NAV2: variants seen among roughly 807,000 people sequenced by gnomAD.
NAV2 encodes neuron navigator 2, also known as helicase, APC down-regulated 1.
A neutral mutation model predicts 223.2 loss-of-function variants in NAV2; 54 were observed. That is an observed-to-expected ratio of 0.24 (90% CI 0.19 to 0.30). The LOEUF is 0.30. Ranked by LOEUF, NAV2 falls within the 10% of genes least tolerant of loss-of-function variation. The probability of loss-of-function intolerance (pLI) is 1.00; values close to 1 mark genes in which losing one functional copy is unlikely to be tolerated. For missense variants in NAV2, 2,806 were observed against 3,147.5 expected (o/e 0.89, Z 2.60); for synonymous variants, 1,279 against 1,239.3 (o/e 1.03, Z -0.67).
chr11:19,638,761 G>A (rs2047574035), intron 1 of NAV2, among the ~76,000 whole-genome samples: 1 of 152,194 alleles, frequency 6.6e-6, no homozygotes, highest in African/African-American at 2.4e-5. Flanking sequence ...TTGGGAGCCT[G>A]AGGCAGGCAG....
chr11:19,549,575 G>T (rs887974859), intron 1 of NAV2, among the ~76,000 whole-genome samples: 1 of 152,210 alleles, frequency 6.6e-6, no homozygotes, highest in Non-Finnish European at 1.5e-5. Flanking sequence ...CCTACCAATC[G>T]TATGGCAAAT....
At chr11:19,943,841 T>C (rs557501073) in intron 8 of NAV2, among the ~76,000 whole-genome samples, 2 of 152,310 alleles carry the variant, frequency 1.3e-5, no homozygotes, top group Admixed American at 6.5e-5. Flanking sequence ...GGAGAAAATA[T>C]ATAATTCTAT....
Position 19,699,675 on chromosome 11 carries a change from G to A in NAV2, c.76-132809G>A, listed in dbSNP as rs575110385. The stretch of plus-strand genomic sequence containing the variant: ...GAGTAGTGCAGCACCTTGAATAGAC[G>A]ACTTTGAGATAACAGACATTCATAG... On this transcript the variant is annotated intron_variant, in intron 1 of 37. Transcript: ENST00000360655. 9.2e-5 allele frequency among the ~76,000 whole-genome samples: 14 copies of A among 152,250 alleles called. No homozygotes were observed. In the East Asian group the frequency reaches 2.3e-3, roughly 25 times the overall value.
At chr11:19,774,511 C>T (rs2055980258) in intron 1 of NAV2, among the ~76,000 whole-genome samples, 1 of 152,188 alleles carries the variant, frequency 6.6e-6, no homozygotes, top group Non-Finnish European at 1.5e-5. Flanking sequence ...GTACACTATA[C>T]AGGCCTCTTT....
At chr11:19,404,452 G>C (rs750532475) in intron 1 of NAV2, among the ~76,000 whole-genome samples, 1 of 152,206 alleles carries the variant, frequency 6.6e-6, no homozygotes, top group Non-Finnish European at 1.5e-5. Context: ...CCTGAATTGA[G>C]TTGTGGGTGG....
intron 1 of NAV2, among the ~76,000 whole-genome samples, chr11:19,643,486 A>T (rs1283230834): frequency 1.3e-5 from 2 of 152,066 alleles, no homozygotes; most frequent in South Asian, 2.1e-4. Flanking sequence ...CCCACAAAGG[A>T]CATGAACTCA....
chr11:19,948,939 G>T lies in NAV2; in HGVS notation c.2504G>T (p.Gly835Val). The change falls in exon 10 of 38, where the codon GGC (glycine) becomes GTC (valine). Residue 835 changes from glycine to valine, a missense_variant. Transcript: ENST00000349880. ...APLRRQLASR[G>V]SSVCHVDVSD... ...CTGAGAAGGCAGCTGGCCTCCCGGG[G>T]CAGTAGTGTCTGCCATGTGGACGTC... 6.2e-7 allele frequency: 1 copy of T among 1,614,018 alleles called. No individual in the cohort carries two copies. Among genetic ancestry groups the T allele is most frequent in the South Asian group, 1.1e-5 (1 of 91,074 alleles).
At chr11:19,353,410 C>T (rs1024333931) in intron 1 of NAV2, among the ~76,000 whole-genome samples, 1 of 152,096 alleles carries the variant, frequency 6.6e-6, no homozygotes, top group South Asian at 2.1e-4. Context: ...TTTGTGGGTA[C>T]GTGCATATAC....
intron 1 of NAV2, among the ~76,000 whole-genome samples, chr11:19,703,135 A>AT (rs989636088): frequency 1.4e-5 from 2 of 141,002 alleles, no homozygotes; most frequent in Admixed American, 7.3e-5. Context: ...AGAAAATAAT[A>AT]TTTTTTTAAA....
chr11:20,080,273 A>G (rs1324146537), intron 25 of NAV2, 64 bp downstream of exon 25: 13 of 1,479,686 alleles, frequency 8.8e-6, no homozygotes, highest in Admixed American at 1.8e-5. Flanking sequence ...TGGCTGCTGC[A>G]TCTCCCCAGA....
At chr11:20,077,868 T>G in intron 23 of NAV2, 125 bp from the exon 24 acceptor site, 1 of 772,658 alleles carries the variant, frequency 1.3e-6, no homozygotes, top group Non-Finnish European at 2.2e-6. Context: ...TGCCTGTTGA[T>G]CCATCTGAAA....
At chr11:19,950,363 C>A (rs183017477) in intron 10 of NAV2, among the ~76,000 whole-genome samples, 186 of 152,288 alleles carry the variant, frequency 1.2e-3, no homozygotes, top group African/African-American at 4.1e-3. Context: ...TAGATGATAT[C>A]ATAGTCCCCA....
At chr11:19,616,914 T>C (rs1590690140) in intron 1 of NAV2, among the ~76,000 whole-genome samples, 1 of 152,162 alleles carries the variant, frequency 6.6e-6, no homozygotes, top group Admixed American at 6.5e-5. Context: ...GCCTTTGCCA[T>C]GTACTCATCA....
intron 1 of NAV2, among the ~76,000 whole-genome samples, chr11:19,584,022 T>G (rs1164128265): frequency 2.6e-5 from 4 of 152,320 alleles, no homozygotes. Context: ...TTTTTTTTGG[T>G]TGGTAAGCTA....
At chr11:19,850,735 G>T (rs1158528736) in intron 3 of NAV2, among the ~76,000 whole-genome samples, 1 of 152,098 alleles carries the variant, frequency 6.6e-6, no homozygotes, top group Non-Finnish European at 1.5e-5. Flanking sequence ...GTTGCTTGAG[G>T]TGAGCATATT....
chr11:19,655,017 T>G (rs1232532126), intron 1 of NAV2, among the ~76,000 whole-genome samples: 2 of 152,134 alleles, frequency 1.3e-5, no homozygotes, highest in Non-Finnish European at 2.9e-5. Flanking sequence ...ATATCCAGAA[T>G]CTACAATGAA....
Position 19,538,351 on chromosome 11 carries a change from C to CT in NAV2, c.75+187331dup, listed in dbSNP as rs534963244. ...CACTCCTCTGTTTCCTTTTTCTTTT[C>CT]TTTTTTTGAGACAGGGTCTTGCTCT... On this transcript the variant is annotated intron_variant, in intron 1 of 37. Coordinates refer to the NAV2 transcript ENST00000360655. Among the ~76,000 whole-genome samples, 11 of 152,050 alleles carry CT rather than the reference C, an allele frequency of 7.2e-5. No homozygotes were observed. The South Asian group carries it at 2.3e-3, about 32-fold the overall frequency.
chr11:19,858,719 G>C (rs1045944213), intron 3 of NAV2, among the ~76,000 whole-genome samples: 3 of 152,180 alleles, frequency 2.0e-5, no homozygotes, highest in Admixed American at 1.3e-4. Context: ...AAGAGACTTT[G>C]ACCACAAAGT....
At position 19,705,561 on chromosome 11, in the gene NAV2, G is replaced by A. The variant is rs537204395; in HGVS notation, c.76-126923G>A. Among the ~76,000 whole-genome samples the A allele has an allele frequency of 1.2e-3, 188 of 152,096 alleles. 2 individuals carry two copies. The South Asian group carries it at 0.026, about 21-fold the overall frequency. ...GGGGAAGAGGCACAATTTCATTCTC[G>A]TGGCCATCCCTGATTACATTTCTGC... On this transcript the variant is annotated intron_variant, in intron 1 of 37. Coordinates refer to the NAV2 transcript ENST00000360655.
Sources: allele counts gnomAD v4.1 joint callset (sites outside exome capture counted in the v4.1 genomes callset), GRCh38; gene constraint gnomAD v4.1.1; transcripts MANE v1.5; gene names NCBI Gene and HGNC (gene_info 2026-07-23, HGNC 2026-07-21).